PARM1: variants seen among roughly 807,000 people sequenced by gnomAD.
PARM1 encodes the protein prostate androgen-regulated mucin-like protein 1.
PARM1 carries 14 observed loss-of-function variants against 24.6 expected under a neutral mutation model. That is an observed-to-expected ratio of 0.57 (90% CI 0.38 to 0.89). PARM1 has a LOEUF of 0.89. Ranked by LOEUF, PARM1 falls within the 40% of genes least tolerant of loss-of-function variation. PARM1 has a pLI of 0.00. For synonymous variants in PARM1, 179 were observed against 156.6 expected (o/e 1.14, Z -1.07); for missense variants, 362 against 380.4 (o/e 0.95, Z 0.40).
intron 1 of PARM1, among the ~76,000 whole-genome samples, chr4:75,010,719 T>A (rs529092291): frequency 6.6e-6 from 1 of 152,246 alleles, no homozygotes; most frequent in African/African-American, 2.4e-5. Context: ...AGGGTTTTGA[T>A]CAGTGAAAGG....
intron 1 of PARM1, among the ~76,000 whole-genome samples, chr4:74,951,599 C>T (rs764783489): frequency 2.0e-5 from 3 of 152,062 alleles, no homozygotes; most frequent in Non-Finnish European, 2.9e-5. Flanking sequence ...AGCCCCCAAC[C>T]CCGCGACAGG....
chr4:74,937,514 G>A (rs1453192311), intron 1 of PARM1, among the ~76,000 whole-genome samples: 1 of 152,174 alleles, frequency 6.6e-6, no homozygotes, highest in East Asian at 1.9e-4. Context: ...CTAATTATGT[G>A]ATTGAGGACA....
chr4:75,029,900 T>C (rs1226092808), intron 2 of PARM1, among the ~76,000 whole-genome samples: 2 of 152,070 alleles, frequency 1.3e-5, no homozygotes, highest in African/African-American at 4.8e-5. Flanking sequence ...ATTCTGGTAA[T>C]CTTTTTTAAG....
intron 1 of PARM1, among the ~76,000 whole-genome samples, chr4:74,936,453 GT>G (rs869134720): frequency 1.4e-5 from 2 of 143,234 alleles, no homozygotes; most frequent in Non-Finnish European, 3.0e-5. Context: ...TTTTTTGTTT[GT>G]TTTTTTGTTT....
At chr4:74,954,006 A>T (rs962360286) in intron 1 of PARM1, among the ~76,000 whole-genome samples, 1 of 152,238 alleles carries the variant, frequency 6.6e-6, no homozygotes, top group Non-Finnish European at 1.5e-5. Flanking sequence ...GGTGACATGT[A>T]CTACAGCTTA....
chr4:75,030,967 A>G (rs562033847), intron 2 of PARM1, among the ~76,000 whole-genome samples: 2 of 152,330 alleles, frequency 1.3e-5, no homozygotes, highest in South Asian at 4.1e-4. Context: ...TGTTTTCACA[A>G]GGAGGAAATA....
intron 1 of PARM1, among the ~76,000 whole-genome samples, chr4:74,963,190 C>T (rs145885116): frequency 6.6e-6 from 1 of 152,286 alleles, no homozygotes; most frequent in African/African-American, 2.4e-5. Context: ...TTATAAATTA[C>T]CCAGTCTCAG....
At chr4:75,037,973 G>A (rs1723404532) in intron 3 of PARM1, among the ~76,000 whole-genome samples, 1 of 152,066 alleles carries the variant, frequency 6.6e-6, no homozygotes, top group South Asian at 2.1e-4. Context: ...CTGGAGTGCA[G>A]TGGCGTGATC....
chr4:75,021,775 G>A (rs926414687), intron 2 of PARM1, among the ~76,000 whole-genome samples: 8 of 152,110 alleles, frequency 5.3e-5, no homozygotes, highest in Non-Finnish European at 7.4e-5. Flanking sequence ...CCATGTTGCC[G>A]CAAAGGGCAG....
At chr4:74,968,436 A>G (rs1030780516) in intron 1 of PARM1, among the ~76,000 whole-genome samples, 1 of 152,242 alleles carries the variant, frequency 6.6e-6, no homozygotes, top group Non-Finnish European at 1.5e-5. Flanking sequence ...TGTAGTCTCT[A>G]ATAAGACTTC....
At chr4:75,043,600 GT>G (rs1236634366) in intron 3 of PARM1, among the ~76,000 whole-genome samples, 1 of 152,190 alleles carries the variant, frequency 6.6e-6, no homozygotes, top group Non-Finnish European at 1.5e-5. Context: ...AAAGGAGCAT[GT>G]TTATTGAGTA....
chr4:75,039,119 A>C (rs1723427927), intron 3 of PARM1, among the ~76,000 whole-genome samples: 3 of 152,228 alleles, frequency 2.0e-5, no homozygotes, highest in African/African-American at 7.2e-5. Context: ...AATTTGTTAT[A>C]CACAGTTGAC....
At chr4:74,940,847 A>C (rs984048524) in intron 1 of PARM1, among the ~76,000 whole-genome samples, 2 of 152,310 alleles carry the variant, frequency 1.3e-5, no homozygotes, top group Non-Finnish European at 2.9e-5. Context: ...GTTACAATGC[A>C]CTGTCTGTAT....
At chr4:75,031,628 G>A (rs189618082) in intron 2 of PARM1, among the ~76,000 whole-genome samples, 65 of 152,178 alleles carry the variant, frequency 4.3e-4, no homozygotes, top group Admixed American at 9.8e-4. Flanking sequence ...AAGTTGGAGG[G>A]GACCCAACTG....
At chr4:74,985,753 T>C (rs1449181532) in intron 1 of PARM1, among the ~76,000 whole-genome samples, 1 of 152,028 alleles carries the variant, frequency 6.6e-6, no homozygotes, top group Non-Finnish European at 1.5e-5. Context: ...TAATTCATTG[T>C]GGTTTTTTGT....
At chr4:75,019,520 A>C (rs1371509875) in intron 2 of PARM1, among the ~76,000 whole-genome samples, 1 of 152,216 alleles carries the variant, frequency 6.6e-6, no homozygotes, top group Non-Finnish European at 1.5e-5. Context: ...TCTGAACCCT[A>C]GTATTTATCC....
intron 1 of PARM1, chr4:74,957,446 G>T (rs1044033687): frequency 1.1e-4 from 16 of 151,984 alleles, no homozygotes; most frequent in African/African-American, 3.9e-4. Flanking sequence ...ATTACAGGAG[G>T]TCTTGGATGA....
chr4:75,027,772 C>T (rs997523938), intron 2 of PARM1, among the ~76,000 whole-genome samples: 11 of 152,178 alleles, frequency 7.2e-5, no homozygotes, highest in African/African-American at 2.7e-4. Context: ...AATTATTGAG[C>T]TTCATTCTTC....
At chr4:74,991,626 A>G (rs914113572) in intron 1 of PARM1, among the ~76,000 whole-genome samples, 14 of 152,248 alleles carry the variant, frequency 9.2e-5, no homozygotes, top group Non-Finnish European at 1.6e-4. Flanking sequence ...TAACAGAACA[A>G]TTCCTCACAG....
Sources: gnomAD v4.1 joint callset for allele counts (sites outside exome capture counted in the v4.1 genomes callset) on GRCh38, gnomAD v4.1.1 for gene constraint, MANE v1.5 for transcripts, NCBI Gene and HGNC (gene_info 2026-07-23, HGNC 2026-07-21) for gene names.